Variants in SLC38A1 observed in about 807,000 individuals in gnomAD.
SLC38A1 encodes solute carrier family 38 member 1, also known as sodium-coupled neutral amino acid symporter 1.
A neutral mutation model predicts 60.3 loss-of-function variants in SLC38A1; 18 were observed. The ratio of observed to expected loss-of-function variants is 0.30; its 90% CI spans 0.21 to 0.44. The LOEUF (loss-of-function observed/expected upper bound fraction) is 0.44, where lower values mean the gene tolerates loss of function less well. Ranked by LOEUF, SLC38A1 falls within the 20% of genes least tolerant of loss-of-function variation. The pLI, the probability that SLC38A1 is intolerant of heterozygous loss-of-function variation, is 1.00. For missense variants in SLC38A1, 448 were observed against 587.2 expected, an observed-to-expected ratio of 0.76 and a Z score of 2.45; for synonymous variants, 196 against 212.1, an observed-to-expected ratio of 0.92 and a Z score of 0.66.
intron 3 of SLC38A1, among the ~76,000 whole-genome samples, chr12:46,233,071 T>C (rs1941135329): frequency 6.6e-6 from 1 of 152,084 alleles, no homozygotes; most frequent in South Asian, 2.1e-4. Flanking sequence ...CAAGCTGGAG[T>C]GCAGTGACAC....
intron 16 of SLC38A1, among the ~76,000 whole-genome samples, chr12:46,193,207 A>G (rs996873709): frequency 1.3e-5 from 2 of 152,174 alleles, no homozygotes; most frequent in African/African-American, 4.8e-5. Flanking sequence ...GTCATTCAGG[A>G]GCAGGTTTTT....
At chr12:46,218,626 C>T (rs1940520445) in intron 5 of SLC38A1, among the ~76,000 whole-genome samples, 2 of 152,016 alleles carry the variant, frequency 1.3e-5, no homozygotes, top group African/African-American at 4.8e-5. Context: ...TTGCCTGCTG[C>T]CTAGACAGAA....
chr12:46,227,153 C>T (rs1450480434), intron 5 of SLC38A1, among the ~76,000 whole-genome samples: 2 of 152,024 alleles, frequency 1.3e-5, no homozygotes. Context: ...TAGAGCAATA[C>T]CTTCAAAATT....
intron 3 of SLC38A1, among the ~76,000 whole-genome samples, chr12:46,235,616 A>G (rs1037013922): frequency 3.3e-5 from 5 of 152,206 alleles, no homozygotes; most frequent in African/African-American, 1.2e-4. Flanking sequence ...TTGAATACAG[A>G]AAGAAGTTAT....
At chr12:46,242,687 A>G (rs878871151) in intron 2 of SLC38A1, among the ~76,000 whole-genome samples, 11 of 152,208 alleles carry the variant, frequency 7.2e-5, no homozygotes, top group African/African-American at 2.7e-4. Context: ...CTGTGGTCCC[A>G]GCTACTTGAG....
At chr12:46,262,125 C>G (rs1484387845) in intron 1 of SLC38A1, among the ~76,000 whole-genome samples, 1 of 152,164 alleles carries the variant, frequency 6.6e-6, no homozygotes, top group Non-Finnish European at 1.5e-5. Flanking sequence ...GACAAATTGC[C>G]CAGTGCATCC....
At position 46,232,321 on chromosome 12, in the gene SLC38A1, G is replaced by A. The variant is rs1941108471; in HGVS notation, c.123-2682C>T. On this transcript the variant is annotated intron_variant, in intron 3 of 16. Transcript: ENST00000398637. ...ATTAAGATGAGGTAAGGAGTCCAGA[G>A]AAGGAAAAAACCAGCACAGACTGGG... Among the ~76,000 whole-genome samples the A allele has an allele frequency of 3.9e-5, 6 of 152,146 alleles. No individual in the cohort carries two copies. The South Asian group carries it at 1.2e-3, about 31-fold the overall frequency.
intron 3 of SLC38A1, among the ~76,000 whole-genome samples, chr12:46,235,477 AAAGAG>A (rs1184026622): frequency 7.2e-5 from 11 of 152,220 alleles, no homozygotes; most frequent in African/African-American, 2.7e-4. Context: ...ACAGGAATCT[AAAGAG>A]AAGAGAAGAC....
At chr12:46,189,138 A>G (rs1389148308) in intron 16 of SLC38A1, 67 bp from the exon 17 acceptor site, 1 of 1,174,620 alleles carries the variant, frequency 8.5e-7, no homozygotes, top group Non-Finnish European at 1.3e-6. Context: ...ACCTGGGGAA[A>G]AAAAATAGAA....
intron 3 of SLC38A1, among the ~76,000 whole-genome samples, chr12:46,236,729 G>A (rs1424731994): frequency 6.6e-6 from 1 of 152,200 alleles, no homozygotes; most frequent in Non-Finnish European, 1.5e-5. Flanking sequence ...TTCACATTTA[G>A]AGGAACAGTC....
chr12:46,257,786 T>G (rs1942079393), intron 1 of SLC38A1, among the ~76,000 whole-genome samples: 1 of 152,104 alleles, frequency 6.6e-6, no homozygotes, highest in African/African-American at 2.4e-5. Context: ...ACCCCAACAC[T>G]TACTGCGGGT....
intron 1 of SLC38A1, among the ~76,000 whole-genome samples, chr12:46,251,968 C>T (rs781049730): frequency 6.6e-6 from 1 of 152,056 alleles, no homozygotes; most frequent in Non-Finnish European, 1.5e-5. Flanking sequence ...TACCATTTGA[C>T]CCAGCAATCC....
chr12:46,222,239 C>A (rs1940688111), intron 5 of SLC38A1, among the ~76,000 whole-genome samples: 1 of 152,004 alleles, frequency 6.6e-6, no homozygotes, highest in African/African-American at 2.4e-5. Context: ...ATTTTTTCAA[C>A]TAGCTTTTTT....
chr12:46,221,762 G>A (rs185301519), intron 5 of SLC38A1, among the ~76,000 whole-genome samples: 2 of 152,226 alleles, frequency 1.3e-5, no homozygotes, highest in African/African-American at 4.8e-5. Flanking sequence ...CATTCAATAG[G>A]GAAGGTAAAA....
At chr12:46,204,699 T>G in intron 9 of SLC38A1, 109 bp from the exon 10 acceptor site, 1 of 713,514 alleles carries the variant, frequency 1.4e-6, no homozygotes, top group Non-Finnish European at 2.3e-6. Context: ...CCTCACTTAT[T>G]TCAGTGCATT....
intron 1 of SLC38A1, among the ~76,000 whole-genome samples, chr12:46,243,677 T>C (rs891593238): frequency 1.3e-5 from 2 of 152,072 alleles, no homozygotes; most frequent in African/African-American, 2.4e-5. Context: ...CACTGAAAAA[T>C]AGAAATAATC....
intron 1 of SLC38A1, among the ~76,000 whole-genome samples, chr12:46,252,212 A>G (rs955568213): frequency 2.6e-5 from 4 of 152,166 alleles, no homozygotes; most frequent in Non-Finnish European, 5.9e-5. Flanking sequence ...GCTGGAAACC[A>G]TCATTCTCAG....
chr12:46,211,807 T>C lies in SLC38A1; in HGVS notation c.315-2680A>G, dbSNP rs551332845. 1.4e-4 allele frequency among the ~76,000 whole-genome samples: 21 copies of C among 152,366 alleles called. No homozygotes were observed. In the South Asian group the frequency reaches 2.9e-3, roughly 21 times the overall value. ...GCACCCCAGAGTACTTAGAGTCTGA[T>C]AGTTTTTGCCTTTAACTGTCTGATC... On this transcript the variant is annotated intron_variant, in intron 5 of 16. Transcript: ENST00000398637.
intron 16 of SLC38A1, among the ~76,000 whole-genome samples, chr12:46,193,064 C>A (rs1300205272): frequency 6.6e-6 from 1 of 152,188 alleles, no homozygotes; most frequent in East Asian, 1.9e-4. Flanking sequence ...CTCTTGAAGG[C>A]ATTTAGTGCT....
Sources: allele counts gnomAD v4.1 joint callset (sites outside exome capture counted in the v4.1 genomes callset), GRCh38; gene constraint gnomAD v4.1.1; transcripts MANE v1.5; gene names NCBI Gene and HGNC (gene_info 2026-07-23, HGNC 2026-07-21).